CCDC57: variants seen among roughly 807,000 people sequenced by gnomAD.
CCDC57 encodes the protein coiled-coil domain-containing protein 57.
CCDC57 carries 118 observed loss-of-function variants against 118.9 expected under a neutral mutation model. The ratio of observed to expected loss-of-function variants is 0.99; its 90% CI spans 0.86 to 1.16. The LOEUF (loss-of-function observed/expected upper bound fraction) is 1.16. Ranked by LOEUF, CCDC57 falls within the 50% of genes most tolerant of loss-of-function variation. CCDC57 has a pLI of 0.00. For synonymous variants in CCDC57, 527 were observed against 532.9 expected, an observed-to-expected ratio of 0.99 and a Z score of 0.15; for missense variants, 1,300 against 1,320.7, an observed-to-expected ratio of 0.98 and a Z score of 0.24.
rs2146395328 is a variant in CCDC57 at position 82,178,972 on chromosome 17, G to A, written c.1374+55C>T. ...GTAAGAACCAGACCCGTCCTGCCCA[G>A]CCCCACCTCTGCAGAGACGCCGAGA... is the stretch of plus-strand genomic sequence containing the variant. On this transcript the variant is annotated intron_variant, in intron 10 of 19. Transcript: ENST00000665763. 1.9e-6 allele frequency: 3 copies of A among 1,578,362 alleles called. No individual in the cohort carries two copies. In the South Asian group the frequency reaches 3.4e-5, roughly 18 times the overall value.
chr17:82,145,597 A>G (rs140235981), intron 16 of CCDC57, among the ~76,000 whole-genome samples: 107 of 152,202 alleles, frequency 7.0e-4, no homozygotes, highest in African/African-American at 2.3e-3. Flanking sequence ...CATTTTAAGG[A>G]ATCCCAGCTT....
chr17:82,178,509 G>A (rs779548068), exon 11 of CCDC57: 8 of 1,613,678 alleles, frequency 5.0e-6, no homozygotes, highest in Non-Finnish European at 5.9e-6. Context: ...TGCATCCTCA[G>A]GGCCTGCACG....
At chr17:82,102,809 C>T (rs778770174) in intron 19 of CCDC57, among the ~76,000 whole-genome samples, 3 of 151,526 alleles carry the variant, frequency 2.0e-5, no homozygotes, top group Non-Finnish European at 4.4e-5. Flanking sequence ...CGCTTGAACC[C>T]GGGAGGCAGA....
At chr17:82,198,164 T>G (rs1222941908) in intron 4 of CCDC57, 150 bp downstream of exon 3, 9 of 578,288 alleles carry the variant, frequency 1.6e-5, no homozygotes, top group Admixed American at 3.2e-5. Flanking sequence ...CATCCCAGAG[T>G]GGCATCTGCC....
intron 4 of CCDC57, among the ~76,000 whole-genome samples, chr17:82,195,820 T>C (rs2048233756): frequency 6.6e-6 from 1 of 152,282 alleles, no homozygotes; most frequent in Non-Finnish European, 1.5e-5. Flanking sequence ...CGACAGCCAG[T>C]GCCAGCATCC....
intron 17 of CCDC57, 63 bp from the exon 17 acceptor site, chr17:82,128,660 G>A (rs905179337): frequency 7.7e-6 from 10 of 1,293,752 alleles, no homozygotes; most frequent in Non-Finnish European, 1.1e-5. Context: ...GCATGTCAGT[G>A]AGTTTTCCCA....
intron 13 of CCDC57, among the ~76,000 whole-genome samples, chr17:82,163,595 T>C (rs2043611215): frequency 6.6e-6 from 1 of 152,148 alleles, no homozygotes; most frequent in African/African-American, 2.4e-5. Context: ...TAGGAAAAAG[T>C]CTGACCTTAC....
chr17:82,107,081 G>A (rs368920220), intron 19 of CCDC57, among the ~76,000 whole-genome samples: 2 of 152,340 alleles, frequency 1.3e-5, no homozygotes, highest in African/African-American at 2.4e-5. Flanking sequence ...CTCCTCCAGG[G>A]AGCCTGGCTC....
intron 13 of CCDC57, among the ~76,000 whole-genome samples, chr17:82,167,275 A>G (rs1337178484): frequency 6.6e-6 from 1 of 152,228 alleles, no homozygotes; most frequent in South Asian, 2.1e-4. Flanking sequence ...CTTCAGATCA[A>G]TATCAAAAAG....
intron 11 of CCDC57, among the ~76,000 whole-genome samples, chr17:82,177,475 TAGG>T (rs762983262): frequency 5.9e-5 from 9 of 151,400 alleles, no homozygotes; most frequent in Non-Finnish European, 1.2e-4. Flanking sequence ...AGCCTAGGGG[TAGG>T]AGGAGATTGC....
At chr17:82,190,470 C>A (rs4499294) in intron 7 of CCDC57, among the ~76,000 whole-genome samples, 1 of 151,896 alleles carries the variant, frequency 6.6e-6, no homozygotes, top group Admixed American at 6.6e-5. Context: ...CCGAGGTGCG[C>A]GGACCACTTG....
chr17:82,194,290 C>T (rs2048031742), intron 5 of CCDC57, 151 bp from the exon 5 acceptor site: 1 of 760,538 alleles, frequency 1.3e-6, no homozygotes, highest in African/African-American at 1.8e-5. Flanking sequence ...CCTAACACAA[C>T]TCAAACGAGA....
At chr17:82,143,476 A>G (rs80310682) in intron 16 of CCDC57, among the ~76,000 whole-genome samples, 3 of 44,918 alleles carry the variant, frequency 6.7e-5, no homozygotes, top group African/African-American at 1.5e-4. Context: ...GCTCTTACAC[A>G]CACACAGGCA....
intron 16 of CCDC57, among the ~76,000 whole-genome samples, chr17:82,146,587 G>T (rs1299145535): frequency 1.3e-5 from 2 of 152,120 alleles, no homozygotes; most frequent in Non-Finnish European, 2.9e-5. Context: ...TTCCCAAAAA[G>T]AAACAAATGG....
At chr17:82,119,393 C>T (rs1037967610) in intron 19 of CCDC57, among the ~76,000 whole-genome samples, 1 of 151,882 alleles carries the variant, frequency 6.6e-6, no homozygotes, top group African/African-American at 2.4e-5. Flanking sequence ...GTACGTGGAG[C>T]AGACAGGAAT....
chr17:82,195,257 A>T lies in CCDC57; in HGVS notation c.618+6T>A, dbSNP rs751284208. 33 of 1,580,612 alleles carry T rather than the reference A, an allele frequency of 2.1e-5. No homozygotes were observed. The African/African-American group carries it at 3.5e-4, about 17-fold the overall frequency. On this transcript the variant is annotated splice_donor_region_variant and intron_variant, in intron 5 of 19. Coordinates refer to ENST00000665763, the Ensembl canonical transcript of CCDC57. ...ACCTTCACGACCCAAGGGTGCCCCC[A>T]GTTACCTTAAGCTCCCGGGACAAGG...
At chr17:82,129,256 C>A (rs1195004491) in intron 17 of CCDC57, among the ~76,000 whole-genome samples, 1 of 152,116 alleles carries the variant, frequency 6.6e-6, no homozygotes, top group Non-Finnish European at 1.5e-5. Flanking sequence ...GTGCCTCTGC[C>A]CGCCCCATGC....
chr17:82,135,732 C>T (rs1736190762), intron 16 of CCDC57, among the ~76,000 whole-genome samples: 1 of 152,094 alleles, frequency 6.6e-6, no homozygotes. Flanking sequence ...CTATGGGATC[C>T]CGCCTCACAC....
chr17:82,152,489 C>G lies in CCDC57; in HGVS notation c.2242-716G>C, dbSNP rs143089047. ...CTGGGTCAACCCTAGATCTGAGCCCCTGGGAAGCACTGTGTTGTCCTCACT... is the reference window on the plus strand; with the variant it reads ...CTGGGTCAACCCTAGATCTGAGCCCGTGGGAAGCACTGTGTTGTCCTCACT... On this transcript the variant is annotated intron_variant, in intron 15 of 19. Coordinates refer to ENST00000665763, the Ensembl canonical transcript of CCDC57. 4.9e-3 allele frequency among the ~76,000 whole-genome samples: 745 copies of G among 152,356 alleles called. 10 individuals carry two copies. Among genetic ancestry groups the G allele is most frequent in the African/African-American group, 0.017 (701 of 41,580 alleles).
Sources: gnomAD v4.1 joint callset for allele counts (sites outside exome capture counted in the v4.1 genomes callset) on GRCh38, gnomAD v4.1.1 for gene constraint, MANE v1.5 for transcripts, NCBI Gene and HGNC (gene_info 2026-07-23, HGNC 2026-07-21) for gene names.